BBS9: variants seen among roughly 807,000 people sequenced by gnomAD.
The protein encoded by BBS9 is protein PTHB1.
In BBS9, 89 loss-of-function variants were observed where a neutral mutation model predicts 117.7. The ratio of observed to expected loss-of-function variants is 0.76; its 90% CI spans 0.64 to 0.90. The LOEUF is 0.90. Ranked by LOEUF, BBS9 falls within the 40% of genes least tolerant of loss-of-function variation. The pLI, the probability that BBS9 is intolerant of heterozygous loss-of-function variation, is 0.00. For missense variants in BBS9, 982 were observed against 1,042.2 expected, an observed-to-expected ratio of 0.94 and a Z score of 0.80; for synonymous variants, 379 against 370.9, an observed-to-expected ratio of 1.02 and a Z score of -0.25.
intron 19 of BBS9, among the ~76,000 whole-genome samples, chr7:33,461,957 G>T (rs1839523794): frequency 6.6e-6 from 1 of 151,964 alleles, no homozygotes. Flanking sequence ...AGTTTGTATT[G>T]CTTTCTAAGT....
intron 20 of BBS9, among the ~76,000 whole-genome samples, chr7:33,513,871 A>G (rs866984322): frequency 4.6e-5 from 7 of 152,198 alleles, no homozygotes; most frequent in Non-Finnish European, 7.4e-5. Flanking sequence ...TGACAGACAT[A>G]TGGTGAAATC....
chr7:33,239,678 T>C (rs879594753), intron 5 of BBS9, among the ~76,000 whole-genome samples: 1 of 152,186 alleles, frequency 6.6e-6, no homozygotes, highest in Non-Finnish European at 1.5e-5. Flanking sequence ...TTTCCTATAC[T>C]AACATTCTAA....
chr7:33,241,513 T>C (rs753959642), intron 5 of BBS9, among the ~76,000 whole-genome samples: 4 of 152,182 alleles, frequency 2.6e-5, no homozygotes, highest in Non-Finnish European at 4.4e-5. Flanking sequence ...TGTTGCTTTT[T>C]CCATATTTTC....
chr7:33,410,551 C>T lies in BBS9; in HGVS notation c.2115+22407C>T, dbSNP rs537933337. Among the ~76,000 whole-genome samples, 3 of 152,326 alleles carry T rather than the reference C, an allele frequency of 2.0e-5. No individual in the cohort carries two copies. In the East Asian group the frequency reaches 5.8e-4, roughly 29 times the overall value. ...GTCTTGTCAGAAAGATTGAGACTCT[C>T]AGCTATGTCTCCCTCATTGTCTCAC... is the stretch of plus-strand genomic sequence containing the variant. On this transcript the variant is annotated intron_variant, in intron 19 of 22. Transcript: ENST00000242067.
intron 5 of BBS9, among the ~76,000 whole-genome samples, chr7:33,179,181 C>T (rs1797752062): frequency 6.6e-6 from 1 of 152,134 alleles, no homozygotes; most frequent in African/African-American, 2.4e-5. Context: ...TACTAAATTC[C>T]ATACATCATA....
At chr7:33,265,734 T>C (rs1200693568) in intron 7 of BBS9, among the ~76,000 whole-genome samples, 1 of 152,064 alleles carries the variant, frequency 6.6e-6, no homozygotes, top group Non-Finnish European at 1.5e-5. Flanking sequence ...TTCTAGCTCC[T>C]TGGGAGGCTG....
chr7:33,366,543 CTTTTTTTT>C (rs70989948), intron 16 of BBS9, among the ~76,000 whole-genome samples: 4 of 89,684 alleles, frequency 4.5e-5, no homozygotes, highest in Admixed American at 1.4e-4. Context: ...TCTTTTCTTT[CTTTTTTTT>C]TTTTTTTTTT....
intron 21 of BBS9, among the ~76,000 whole-genome samples, chr7:33,554,465 G>T (rs1264140615): frequency 6.6e-6 from 1 of 152,118 alleles, no homozygotes; most frequent in Non-Finnish European, 1.5e-5. Context: ...CACAGAGCTT[G>T]GTGCTGGATT....
At chr7:33,599,004 T>C (rs1246296997) in intron 21 of BBS9, among the ~76,000 whole-genome samples, 8 of 152,208 alleles carry the variant, frequency 5.3e-5, no homozygotes, top group Admixed American at 5.2e-4. Context: ...ATGGCTGCTT[T>C]TGCACTATGA....
chr7:33,550,659 A>G (rs997772037), intron 21 of BBS9, among the ~76,000 whole-genome samples: 3 of 151,596 alleles, frequency 2.0e-5, no homozygotes, highest in Non-Finnish European at 4.4e-5. Flanking sequence ...TTTCATACTG[A>G]ACTTTTTCTA....
chr7:33,164,924 C>T (rs143041813), intron 4 of BBS9, among the ~76,000 whole-genome samples: 98 of 152,216 alleles, frequency 6.4e-4, no homozygotes, highest in African/African-American at 1.8e-3. Flanking sequence ...TTCCTAGCAT[C>T]GATGGTCTTT....
intron 5 of BBS9, among the ~76,000 whole-genome samples, chr7:33,215,222 C>T (rs1363764144): frequency 1.3e-5 from 2 of 152,088 alleles, no homozygotes; most frequent in Non-Finnish European, 2.9e-5. Context: ...CTGGAGGCAT[C>T]GCACTACTTG....
chr7:33,412,151 T>C (rs879777690), intron 19 of BBS9, among the ~76,000 whole-genome samples: 1 of 152,170 alleles, frequency 6.6e-6, no homozygotes, highest in Non-Finnish European at 1.5e-5. Context: ...ATAGAACCCA[T>C]TTTGTTAGAA....
chr7:33,417,707 T>A (rs1349814582), intron 19 of BBS9, among the ~76,000 whole-genome samples: 1 of 152,234 alleles, frequency 6.6e-6, no homozygotes, highest in Non-Finnish European at 1.5e-5. Flanking sequence ...TTCTAGCTAA[T>A]CAGAGTGAGT....
chr7:33,569,917 A>G (rs1213071320), intron 21 of BBS9, among the ~76,000 whole-genome samples: 1 of 152,222 alleles, frequency 6.6e-6, no homozygotes, highest in African/African-American at 2.4e-5. Flanking sequence ...AGTAGTGAAC[A>G]TACCTGGTGC....
intron 21 of BBS9, among the ~76,000 whole-genome samples, chr7:33,587,690 C>CA (rs1197132197): frequency 1.3e-5 from 2 of 151,556 alleles, no homozygotes; most frequent in African/African-American, 2.4e-5. Flanking sequence ...TTTTTATTGC[C>CA]AAAAAAATAT....
chr7:33,383,659 C>A lies in BBS9; in HGVS notation c.1790-7C>A. The A allele has an allele frequency of 6.3e-7, 1 of 1,597,618 alleles. No individual in the cohort carries two copies. The highest frequency in any genetic ancestry group is 8.5e-7 in the Non-Finnish European group (1 of 1,169,642). On this transcript the variant is annotated splice_region_variant and splice_polypyrimidine_tract_variant and intron_variant, in intron 17 of 22. Transcript: ENST00000242067. ...CTAAGCATTTTTCCTTAATTTTTTT[C>A]TCTCAGAACGATATCGCATTCAGAG...
At chr7:33,498,512 T>C (rs1318352280) in intron 19 of BBS9, among the ~76,000 whole-genome samples, 1 of 152,132 alleles carries the variant, frequency 6.6e-6, no homozygotes, top group African/African-American at 2.4e-5. Context: ...CCATTCCTCC[T>C]ATTTACCACC....
chr7:33,453,847 TTG>T (rs1838252243), intron 19 of BBS9, among the ~76,000 whole-genome samples: 1 of 152,234 alleles, frequency 6.6e-6, no homozygotes, highest in African/African-American at 2.4e-5. Context: ...TTTAGCTTTA[TTG>T]TAAGAATACA....
Sources: gnomAD v4.1 joint callset for allele counts (sites outside exome capture counted in the v4.1 genomes callset) on GRCh38, gnomAD v4.1.1 for gene constraint, MANE v1.5 for transcripts, NCBI Gene and HGNC (gene_info 2026-07-23, HGNC 2026-07-21) for gene names.